PRELID2: variants seen among roughly 807,000 people sequenced by gnomAD.
PRELID2 encodes PRELI domain containing 2.
Under a neutral mutation model 28.4 loss-of-function variants are expected in PRELID2, and 25 were observed. The ratio of observed to expected loss-of-function variants is 0.88; its 90% CI spans 0.64 to 1.23. The LOEUF (loss-of-function observed/expected upper bound fraction) is 1.23. PRELID2 is among the 50% of genes most tolerant of loss of function. The pLI is 0.00. For synonymous variants in PRELID2, 76 were observed against 71.6 expected, an observed-to-expected ratio of 1.06 and a Z score of -0.31; for missense variants, 201 against 214.4, an observed-to-expected ratio of 0.94 and a Z score of 0.39.
the PRELID2 span, among the ~76,000 whole-genome samples, chr5:145,246,948 CA>C: frequency 2.6e-5 from 4 of 152,162 alleles, no homozygotes; most frequent in Non-Finnish European, 5.9e-5. Flanking sequence ...GCAGGACTAA[CA>C]AATTAGCTAC....
chr5:145,262,199 A>G, the PRELID2 span, among the ~76,000 whole-genome samples: 2 of 152,004 alleles, frequency 1.3e-5, no homozygotes, highest in African/African-American at 4.8e-5. Flanking sequence ...ATTTGGGATT[A>G]TGTTAAATGA....
rs537573570 is a variant in PRELID2, at chr5:145,525,313, G to A, written n.71-51998C>T. Reference sequence around the variant, plus strand: ...TCTCCTTGCAATTTGCAGGTAAATTGGGGTGAAAGAAATCTCTAGGAGAAT... The same window carrying A: ...TCTCCTTGCAATTTGCAGGTAAATTAGGGTGAAAGAAATCTCTAGGAGAAT... On this transcript the variant is annotated intron_variant and non_coding_transcript_variant, in intron 1 of 2. Coordinates refer to the PRELID2 transcript ENST00000510259. 1.6e-3 allele frequency among the ~76,000 whole-genome samples: 244 copies of A among 152,236 alleles called. 1 individual carries two copies. Among genetic ancestry groups the A allele is most frequent in the Middle Eastern group, 0.01 (3 of 294 alleles).
At chr5:145,295,906 G>A in the PRELID2 span, among the ~76,000 whole-genome samples, 1 of 152,108 alleles carries the variant, frequency 6.6e-6, no homozygotes, top group Admixed American at 6.6e-5. Flanking sequence ...TGAGAAAAGT[G>A]AATTAGGACT....
intron 5 of PRELID2, among the ~76,000 whole-genome samples, chr5:145,793,561 G>A (rs1478202321): frequency 1.3e-5 from 2 of 152,084 alleles, no homozygotes; most frequent in Admixed American, 1.3e-4. Context: ...CTAATTAAAC[G>A]TGGCCTCTTC....
At chr5:145,552,692 G>A (rs926131791) in intron 1 of PRELID2, among the ~76,000 whole-genome samples, 1 of 151,992 alleles carries the variant, frequency 6.6e-6, no homozygotes, top group Non-Finnish European at 1.5e-5. Context: ...TTAAAAATGA[G>A]GCAAAAAGTG....
the PRELID2 span, among the ~76,000 whole-genome samples, chr5:145,313,661 C>T: frequency 6.2e-3 from 937 of 152,230 alleles, 14 homozygotes; most frequent in African/African-American, 0.021. Context: ...ATATCACATT[C>T]GTAGGAGGCG....
chr5:145,784,664 T>C (rs1286159033), intron 5 of PRELID2, among the ~76,000 whole-genome samples: 1 of 152,144 alleles, frequency 6.6e-6, no homozygotes, highest in Non-Finnish European at 1.5e-5. Flanking sequence ...ACAGCTATTA[T>C]GCCGATGGAA....
At chr5:145,464,866 T>C in the PRELID2 span, among the ~76,000 whole-genome samples, 2 of 152,092 alleles carry the variant, frequency 1.3e-5, no homozygotes, top group African/African-American at 2.4e-5. Context: ...GATTTAATAT[T>C]TTTAATATTT....
chr5:145,761,727 T>G (rs981877841), intron 6 of PRELID2, among the ~76,000 whole-genome samples: 2 of 152,156 alleles, frequency 1.3e-5, no homozygotes, highest in Non-Finnish European at 2.9e-5. Context: ...CAATAAAACT[T>G]TGTGTATAAA....
chr5:145,403,840 T>A, the PRELID2 span, among the ~76,000 whole-genome samples: 1 of 152,144 alleles, frequency 6.6e-6, no homozygotes, highest in African/African-American at 2.4e-5. Context: ...ATATGTAATA[T>A]AGTACTGTCT....
intron 1 of PRELID2, among the ~76,000 whole-genome samples, chr5:145,662,691 A>G (rs146094071): frequency 4.6e-5 from 7 of 152,230 alleles, no homozygotes; most frequent in Admixed American, 3.9e-4. Context: ...GAGAAAAAGA[A>G]GAGAAATCTG....
At chr5:145,740,461 T>C (rs1261617446) in intron 1 of PRELID2, among the ~76,000 whole-genome samples, 1 of 140,898 alleles carries the variant, frequency 7.1e-6, no homozygotes. Flanking sequence ...AACACCTAGA[T>C]AGAACACCAA....
At position 145,757,644 on chromosome 5, in the gene PRELID2, A is replaced by T. The variant is rs1379571230; in HGVS notation, c.*2892T>A. Among the ~76,000 whole-genome samples, 8 of 152,138 alleles carry T rather than the reference A, an allele frequency of 5.3e-5. No individual in the cohort carries two copies. The highest frequency in any genetic ancestry group is 3.9e-4 in the East Asian group (2 of 5,186). ...TGTTTTATCACAAAACATATAATTT[A>T]AAAAAATTAACAAGCCCTAATTAAT... On this transcript the variant is annotated 3_prime_UTR_variant, in exon 7 of 7. Coordinates refer to ENST00000683046, the MANE Select transcript of PRELID2 (RefSeq NM_205846.3).
intron 1 of PRELID2, among the ~76,000 whole-genome samples, chr5:145,494,841 T>C (rs1580957968): frequency 6.6e-6 from 1 of 152,258 alleles, no homozygotes; most frequent in South Asian, 2.1e-4. Context: ...AGATAACTTG[T>C]TTAGGGGCAA....
chr5:145,328,429 C>A, the PRELID2 span, among the ~76,000 whole-genome samples: 57 of 152,334 alleles, frequency 3.7e-4, no homozygotes, highest in African/African-American at 1.3e-3. Context: ...TATTTCTCCA[C>A]ATCCTCTCCA....
chr5:145,711,492 T>C (rs1755694174), intron 1 of PRELID2, among the ~76,000 whole-genome samples: 1 of 152,122 alleles, frequency 6.6e-6, no homozygotes. Context: ...GTGAGCGCTA[T>C]CATGACTGCT....
chr5:145,376,820 A>AT, the PRELID2 span, among the ~76,000 whole-genome samples: 4 of 151,460 alleles, frequency 2.6e-5, no homozygotes, highest in Non-Finnish European at 2.9e-5. Context: ...CTATTTTATA[A>AT]TTTTTTTTGA....
the PRELID2 span, among the ~76,000 whole-genome samples, chr5:145,458,540 T>C: frequency 1.3e-5 from 2 of 152,142 alleles, no homozygotes; most frequent in Non-Finnish European, 2.9e-5. Context: ...TTTGTGATGA[T>C]TGGGTGCTGA....
At chr5:145,429,245 G>A in the PRELID2 span, among the ~76,000 whole-genome samples, 2 of 152,180 alleles carry the variant, frequency 1.3e-5, no homozygotes, top group Non-Finnish European at 2.9e-5. Flanking sequence ...TAGAGAGGGT[G>A]AAAGTAATTG....
Sources: gnomAD v4.1 joint callset for allele counts (sites outside exome capture counted in the v4.1 genomes callset) on GRCh38, gnomAD v4.1.1 for gene constraint, MANE v1.5 for transcripts, NCBI Gene and HGNC (gene_info 2026-07-23, HGNC 2026-07-21) for gene names.